Variants in DPP10 observed in about 807,000 individuals in gnomAD.
DPP10 encodes the protein dipeptidyl peptidase like 10.
DPP10 carries 33 observed loss-of-function variants against 120.9 expected under a neutral mutation model. That is an observed-to-expected ratio of 0.27 (90% CI 0.21 to 0.37). DPP10 has a LOEUF of 0.37. Ranked by LOEUF, DPP10 falls within the 10% of genes least tolerant of loss-of-function variation. The pLI, the probability that DPP10 is intolerant of heterozygous loss-of-function variation, is 1.00. For missense variants in DPP10, 816 were observed against 942.8 expected (o/e 0.87, Z 1.76); for synonymous variants, 337 against 326.1 (o/e 1.03, Z -0.36).
chr2:114,449,286 G>C (rs76556524), intron 1 of DPP10, among the ~76,000 whole-genome samples: 4,647 of 152,180 alleles, frequency 0.031, 255 homozygotes, highest in African/African-American at 0.11. Context: ...GGCATAACTG[G>C]AAGTAGCACA....
chr2:114,504,736 C>T (rs994357802), intron 1 of DPP10, among the ~76,000 whole-genome samples: 2 of 152,096 alleles, frequency 1.3e-5, no homozygotes, highest in Non-Finnish European at 2.9e-5. Flanking sequence ...CTCTAAGGGT[C>T]TCTGGCAGTA....
At chr2:115,391,369 T>C (rs2106542018) in intron 3 of DPP10, among the ~76,000 whole-genome samples, 1 of 152,286 alleles carries the variant, frequency 6.6e-6, no homozygotes, top group South Asian at 2.1e-4. Flanking sequence ...TCTGAGATCA[T>C]TCTATCTTAT....
intron 1 of DPP10, among the ~76,000 whole-genome samples, chr2:114,940,746 G>T (rs1479017012): frequency 6.6e-6 from 1 of 152,044 alleles, no homozygotes; most frequent in Non-Finnish European, 1.5e-5. Context: ...ATGATAAACT[G>T]TACTGCCGAG....
chr2:114,740,959 T>TA (rs1366482176), intron 1 of DPP10, among the ~76,000 whole-genome samples: 1 of 152,232 alleles, frequency 6.6e-6, no homozygotes, highest in African/African-American at 2.4e-5. Context: ...GTTCCAAATT[T>TA]AAAAAACATT....
intron 1 of DPP10, among the ~76,000 whole-genome samples, chr2:115,205,039 C>G (rs1373357868): frequency 6.6e-6 from 1 of 151,930 alleles, no homozygotes; most frequent in African/African-American, 2.4e-5. Context: ...TATTCTGTAA[C>G]TTGTCTGTTT....
At chr2:115,634,710 C>T (rs1428707651) in intron 5 of DPP10, among the ~76,000 whole-genome samples, 2 of 152,158 alleles carry the variant, frequency 1.3e-5, no homozygotes, top group African/African-American at 4.8e-5. Context: ...ATGTGGGACT[C>T]ACTAACTGAG....
chr2:115,578,019 A>G (rs1314829841), intron 5 of DPP10, among the ~76,000 whole-genome samples: 2 of 152,150 alleles, frequency 1.3e-5, no homozygotes, highest in Non-Finnish European at 2.9e-5. Flanking sequence ...TTGCATTATG[A>G]CAGTCATAAC....
intron 1 of DPP10, among the ~76,000 whole-genome samples, chr2:114,561,127 A>T (rs753350026): frequency 2.6e-4 from 40 of 152,068 alleles, no homozygotes; most frequent in Non-Finnish European, 4.4e-4. Context: ...ATATTTCCTT[A>T]ACAGACCTGT....
chr2:115,778,125 AG>A (rs1682342371), intron 15 of DPP10, among the ~76,000 whole-genome samples: 2 of 152,068 alleles, frequency 1.3e-5, no homozygotes, highest in African/African-American at 4.8e-5. Context: ...TCTCCACATC[AG>A]AGAGATTTAC....
At chr2:114,571,861 GTGTATATAT>G (rs1318457113) in intron 1 of DPP10, among the ~76,000 whole-genome samples, 2 of 147,400 alleles carry the variant, frequency 1.4e-5, no homozygotes, top group African/African-American at 5.0e-5. Flanking sequence ...TACATATATT[GTGTATATAT>G]TGTATATATA....
At chr2:114,678,513 G>T (rs1698813972) in intron 1 of DPP10, among the ~76,000 whole-genome samples, 1 of 151,982 alleles carries the variant, frequency 6.6e-6, no homozygotes, top group South Asian at 2.1e-4. Context: ...CGGCACATGT[G>T]CTGGTCTTGT....
In DPP10 at chr2:115,711,536, A is replaced by G. The variant is rs996870170; in HGVS notation, c.577-16280A>G. On this transcript the variant is annotated intron_variant, in intron 7 of 25. Coordinates refer to ENST00000410059, the MANE Select transcript of DPP10 (RefSeq NM_020868.6). Reference sequence around the variant, plus strand: ...AGGGTGATTGTCTGAGATGGAGTCCATTGAAATGACCTTTCAATGGAGATT... The same window carrying G: ...AGGGTGATTGTCTGAGATGGAGTCCGTTGAAATGACCTTTCAATGGAGATT... 3.3e-5 allele frequency among the ~76,000 whole-genome samples: 5 copies of G among 152,176 alleles called. No individual in the cohort carries two copies. The East Asian group carries it at 7.7e-4, about 23-fold the overall frequency.
intron 1 of DPP10, among the ~76,000 whole-genome samples, chr2:115,007,726 A>G (rs1266632805): frequency 1.3e-5 from 2 of 151,686 alleles, no homozygotes; most frequent in Non-Finnish European, 2.9e-5. Context: ...AACTTCAGCA[A>G]AGTCTCAGGA....
Position 114,450,742 on chromosome 2 carries a change from A to G in DPP10, c.60+7904A>G, listed in dbSNP as rs201704256. On this transcript the variant is annotated intron_variant, in intron 1 of 25. Transcript: ENST00000410059. ...CTTCTGTAAGTAAAAAAAAAAAAAA[A>G]GGTTTTGCATTATGAGCGTTTTTCT... Among the ~76,000 whole-genome samples the G allele has an allele frequency of 4.2e-4, 64 of 151,334 alleles. 1 individual carries two copies. The East Asian group carries it at 0.012, about 29-fold the overall frequency.
intron 1 of DPP10, among the ~76,000 whole-genome samples, chr2:114,932,811 A>G (rs1194662188): frequency 3.9e-5 from 6 of 152,178 alleles, no homozygotes; most frequent in Non-Finnish European, 8.8e-5. Flanking sequence ...TATACCTCAA[A>G]AAGAGAAAAG....
intron 1 of DPP10, among the ~76,000 whole-genome samples, chr2:114,741,352 A>G (rs1678044661): frequency 6.6e-6 from 1 of 152,200 alleles, no homozygotes; most frequent in African/African-American, 2.4e-5. Context: ...AGCAAAGACT[A>G]AGAGAGCCAC....
Position 115,612,188 on chromosome 2 carries a change from ACTTGATCTATT to A in DPP10, c.442-77495_442-77485del, listed in dbSNP as rs2084156306. On this transcript the variant is annotated intron_variant, in intron 5 of 25. Coordinates refer to ENST00000410059, the MANE Select transcript of DPP10 (RefSeq NM_020868.6). ...TCATCAGCTTCTAACTATGTACTTGACTTGATCTATTCTTAATGTCACCAAATTAACATCTT... is the reference window on the plus strand; with the variant it reads ...TCATCAGCTTCTAACTATGTACTTGACTTAATGTCACCAAATTAACATCTT... Among the ~76,000 whole-genome samples the A allele has an allele frequency of 2.0e-5, 3 of 152,234 alleles. No individual in the cohort carries two copies. In the South Asian group the frequency reaches 6.2e-4, roughly 32 times the overall value.
At chr2:115,231,625 G>A (rs747847819) in intron 1 of DPP10, among the ~76,000 whole-genome samples, 8 of 151,956 alleles carry the variant, frequency 5.3e-5, no homozygotes, top group East Asian at 1.9e-4. Context: ...AAATAATTTC[G>A]CCTATAACAT....
chr2:115,164,310 G>A (rs142415592), intron 1 of DPP10, among the ~76,000 whole-genome samples: 1,734 of 151,820 alleles, frequency 0.011, 24 homozygotes, highest in African/African-American at 0.03. Flanking sequence ...ACTACTTTCC[G>A]TAAGACTACT....
Sources: gnomAD v4.1 joint callset for allele counts (sites outside exome capture counted in the v4.1 genomes callset) on GRCh38, gnomAD v4.1.1 for gene constraint, MANE v1.5 for transcripts, NCBI Gene and HGNC (gene_info 2026-07-23, HGNC 2026-07-21) for gene names.